DENND2C: variants seen among roughly 807,000 people sequenced by gnomAD.
The protein encoded by DENND2C is DENN domain-containing protein 2C.
In DENND2C, 72 loss-of-function variants were observed where a neutral mutation model predicts 112.4. The ratio of observed to expected loss-of-function variants is 0.64; its 90% confidence interval spans 0.53 to 0.78. The LOEUF is 0.78. DENND2C is among the 30% of genes least tolerant of loss of function. The probability of loss-of-function intolerance (pLI) is 0.00; values close to 1 mark genes in which losing one functional copy is unlikely to be tolerated. For synonymous variants in DENND2C, 329 were observed against 381.6 expected, an observed-to-expected ratio of 0.86 and a Z score of 1.61; for missense variants, 992 against 1,113.8, an observed-to-expected ratio of 0.89 and a Z score of 1.56.
rs369206181 is a variant in DENND2C, at chr1:114,616,710, C to T, written c.1324+1676G>A. Among the ~76,000 whole-genome samples, 7 of 152,166 alleles carry T rather than the reference C, an allele frequency of 4.6e-5. No homozygotes were observed. The South Asian group carries it at 1.5e-3, about 32-fold the overall frequency. On this transcript the variant is annotated intron_variant, in intron 8 of 20. Coordinates refer to ENST00000393274, the MANE Select transcript of DENND2C (RefSeq NM_001256404.2). ...CTCTACTACAAATACAAAAAATTAGCCGGGTGTGGTGGCAGGCACTTGTAA... is the reference window on the plus strand; with the variant it reads ...CTCTACTACAAATACAAAAAATTAGTCGGGTGTGGTGGCAGGCACTTGTAA...
chr1:114,664,196 T>C (rs1189928200), intron 1 of DENND2C, among the ~76,000 whole-genome samples: 1 of 152,156 alleles, frequency 6.6e-6, no homozygotes. Context: ...CATCTTGGCC[T>C]CCCAACGTGC....
At chr1:114,615,997 C>A (rs975483340) in intron 8 of DENND2C, among the ~76,000 whole-genome samples, 1 of 152,038 alleles carries the variant, frequency 6.6e-6, no homozygotes, top group Non-Finnish European at 1.5e-5. Flanking sequence ...ATGGCATGAA[C>A]CCGGGAGGCG....
At chr1:114,633,209 G>A (rs1384307501) in intron 3 of DENND2C, among the ~76,000 whole-genome samples, 3 of 152,016 alleles carry the variant, frequency 2.0e-5, no homozygotes, top group East Asian at 1.9e-4. Flanking sequence ...CACTTTGGGA[G>A]GCAGAGGCAG....
chr1:114,621,998 C>T lies in DENND2C; in HGVS notation c.1124G>A (p.Arg375Gln), dbSNP rs767268902. Residue 375 changes from arginine to glutamine, a missense_variant, in exon 7 of 21, where the codon CGG (arginine) becomes CAG (glutamine). This residue lies in a region of DENND2C where 470 missense variants were observed against 472.7 expected (regional missense o/e 0.99). Coordinates refer to ENST00000393274, the MANE Select transcript of DENND2C (RefSeq NM_001256404.2). ...AGTTGTATCTTTTGTAAGCTTTGACCGCAAATAAGCCTGTGAGTTCTTTAC... is the reference window on the plus strand; with the variant it reads ...AGTTGTATCTTTTGTAAGCTTTGACTGCAAATAAGCCTGTGAGTTCTTTAC... ...MEVKNSQAYL[R>Q]SKLTKDTTLP... The T allele has an allele frequency of 3.5e-5, 54 of 1,550,766 alleles. No homozygotes were observed. The South Asian group carries it at 4.4e-4, about 13-fold the overall frequency.
chr1:114,669,770 G>A (rs1379786513), intron 1 of DENND2C, among the ~76,000 whole-genome samples: 3 of 152,004 alleles, frequency 2.0e-5, no homozygotes, highest in Admixed American at 1.3e-4. Context: ...TCCCAAAGCT[G>A]GGCCCAACAA....
intron 2 of DENND2C, among the ~76,000 whole-genome samples, chr1:114,648,506 G>C (rs1176902080): frequency 6.6e-6 from 1 of 152,188 alleles, no homozygotes; most frequent in Non-Finnish European, 1.5e-5. Context: ...GGCTGTATAA[G>C]AGAAGAATTA....
Position 114,626,191 on chromosome 1 carries a change from G to T in DENND2C, c.-204-3C>A. The T allele has an allele frequency of 4.1e-6, 2 of 490,756 alleles. No individual in the cohort carries two copies. Among genetic ancestry groups the T allele is most frequent in the Non-Finnish European group, 7.1e-6 (2 of 282,994 alleles). The allele number at this position is 490,756 out of a possible 1,614,324, so 30.4% of individuals were successfully genotyped here. On this transcript the variant is annotated splice_region_variant and splice_polypyrimidine_tract_variant and intron_variant, in intron 3 of 20. Coordinates refer to ENST00000393274, the MANE Select transcript of DENND2C (RefSeq NM_001256404.2). ...CTACAACCTGATCTTGAATAATCCT[G>T]TTAAAATGACACAAAAATATGTTAA... is the stretch of plus-strand genomic sequence containing the variant.
intron 1 of DENND2C, among the ~76,000 whole-genome samples, chr1:114,666,028 T>C (rs1657637524): frequency 6.6e-6 from 1 of 152,154 alleles, no homozygotes; most frequent in African/African-American, 2.4e-5. Flanking sequence ...ATGGAAACAA[T>C]TATCTTCCTC....
rs541238326 is a variant in DENND2C, at chr1:114,634,054, T to C, written c.-204-7866A>G. On this transcript the variant is annotated intron_variant, in intron 3 of 20. Transcript: ENST00000393274. Reference sequence around the variant, plus strand: ...AAGAAGGACATTACAAAGAAGGTAATAGGTGCAATTCATCAAGAATACCTA... The same window carrying C: ...AAGAAGGACATTACAAAGAAGGTAACAGGTGCAATTCATCAAGAATACCTA... Among the ~76,000 whole-genome samples the C allele has an allele frequency of 3.9e-4, 59 of 152,306 alleles. 1 individual carries two copies. Among genetic ancestry groups the C allele is most frequent in the Admixed American group, 9.8e-4 (15 of 15,304 alleles).
intron 10 of DENND2C, among the ~76,000 whole-genome samples, chr1:114,606,225 T>TA (rs200092372): frequency 1.5e-3 from 226 of 151,096 alleles, no homozygotes; most frequent in Middle Eastern, 6.8e-3. Context: ...TTTAATTTCT[T>TA]AAAAAAAAAC....
intron 7 of DENND2C, among the ~76,000 whole-genome samples, chr1:114,620,700 A>G (rs1656140601): frequency 6.6e-6 from 1 of 152,156 alleles, no homozygotes. Context: ...AATATTCCTC[A>G]TGATGCACAG....
At chr1:114,631,500 C>T (rs1316279454) in intron 3 of DENND2C, among the ~76,000 whole-genome samples, 1 of 151,448 alleles carries the variant, frequency 6.6e-6, no homozygotes, top group Non-Finnish European at 1.5e-5. Flanking sequence ...GAAGTAGAAC[C>T]GGGCCAGGCG....
chr1:114,626,877 A>T (rs1656359222), intron 3 of DENND2C, among the ~76,000 whole-genome samples: 1 of 152,056 alleles, frequency 6.6e-6, no homozygotes, highest in Non-Finnish European at 1.5e-5. Context: ...ACAGAATTAC[A>T]TCTCAAAACC....
chr1:114,631,902 T>C (rs1656501493), intron 3 of DENND2C, among the ~76,000 whole-genome samples: 1 of 152,144 alleles, frequency 6.6e-6, no homozygotes, highest in African/African-American at 2.4e-5. Flanking sequence ...AATATTTTCA[T>C]AAATTTGAAG....
intron 10 of DENND2C, among the ~76,000 whole-genome samples, chr1:114,608,427 G>A (rs1157031626): frequency 6.6e-6 from 1 of 152,172 alleles, no homozygotes; most frequent in Non-Finnish European, 1.5e-5. Flanking sequence ...CTAAGGTTTT[G>A]TAACTTGTTA....
chr1:114,643,344 A>T (rs892884664), intron 3 of DENND2C, among the ~76,000 whole-genome samples: 1 of 152,212 alleles, frequency 6.6e-6, no homozygotes, highest in Non-Finnish European at 1.5e-5. Context: ...ACATTAACAC[A>T]TTATTTAATC....
intron 8 of DENND2C, among the ~76,000 whole-genome samples, chr1:114,613,949 A>G (rs568175668): frequency 1.3e-5 from 2 of 152,284 alleles, no homozygotes; most frequent in South Asian, 4.1e-4. Context: ...AGAAATATTT[A>G]GGGCCAGGTA....
chr1:114,618,581 C>G, intron 7 of DENND2C, 99 bp from the exon 8 acceptor site: 2 of 610,280 alleles, frequency 3.3e-6, no homozygotes, highest in Non-Finnish European at 5.2e-6. Flanking sequence ...AGAGAAAAGA[C>G]CTATTTTATA....
intron 1 of DENND2C, among the ~76,000 whole-genome samples, chr1:114,657,244 T>G (rs1657359165): frequency 6.6e-6 from 1 of 152,160 alleles, no homozygotes; most frequent in Admixed American, 6.5e-5. Context: ...CTTTTCAAAC[T>G]CATTTTTTTC....
Sources: gnomAD v4.1 joint callset for allele counts (sites outside exome capture counted in the v4.1 genomes callset) on GRCh38, gnomAD v4.1.1 for gene constraint, gnomAD v4.1.1 regional missense constraint, MANE v1.5 for transcripts, NCBI Gene and HGNC (gene_info 2026-07-23, HGNC 2026-07-21) for gene names.